Variants in KDM1A observed in about 807,000 individuals in gnomAD.
KDM1A encodes the protein lysine demethylase 1A.
Under a neutral mutation model 109.4 loss-of-function variants are expected in KDM1A, and 49 were observed. That is an observed-to-expected ratio of 0.45 (90% CI 0.36 to 0.57). The LOEUF is 0.57. KDM1A is among the 20% of genes least tolerant of loss of function. KDM1A has a pLI of 0.00. For synonymous variants in KDM1A, 380 were observed against 415.4 expected (o/e 0.91, Z 1.04); for missense variants, 668 against 1,116.6 (o/e 0.60, Z 5.73).
intron 9 of KDM1A, among the ~76,000 whole-genome samples, chr1:23,063,602 A>G (rs866792768): frequency 1.3e-5 from 2 of 152,162 alleles, no homozygotes; most frequent in South Asian, 2.1e-4. Context: ...TTATTTATAA[A>G]TGTAAAAATC....
At chr1:23,044,304 CT>C (rs766854482) in intron 2 of KDM1A, 122 bp from the exon 3 acceptor site, 1 of 798,986 alleles carries the variant, frequency 1.3e-6, no homozygotes, top group Non-Finnish European at 2.1e-6. Context: ...AGAAGGAGCT[CT>C]CTGAATATGG....
In KDM1A at chr1:23,081,434, C is replaced by T; in HGVS notation, c.2171-12C>T. ...TAGGAAAACCCTAGAATTATCCTTT[C>T]TGTTTCCCCAGCTCCAATACTGTTG... On this transcript the variant is annotated splice_polypyrimidine_tract_variant and intron_variant, in intron 18 of 20. Transcript: ENST00000400181. 1 of 1,613,902 alleles carries T rather than the reference C, an allele frequency of 6.2e-7. No homozygotes were observed. The highest frequency in any genetic ancestry group is 8.5e-7 in the Non-Finnish European group (1 of 1,179,854).
intron 12 of KDM1A, among the ~76,000 whole-genome samples, chr1:23,069,812 A>G (rs1450523190): frequency 2.6e-5 from 4 of 152,250 alleles, no homozygotes; most frequent in Admixed American, 6.5e-5. Context: ...ACCGCCTTCC[A>G]GAGCCCCAGG....
At chr1:23,063,902 T>A (rs1416767535) in intron 9 of KDM1A, among the ~76,000 whole-genome samples, 1 of 152,112 alleles carries the variant, frequency 6.6e-6, no homozygotes, top group Admixed American at 6.5e-5. Flanking sequence ...TTATTTTTGT[T>A]TTTGGAGACA....
chr1:23,070,939 A>G (rs762534485), intron 12 of KDM1A, among the ~76,000 whole-genome samples: 29 of 152,174 alleles, frequency 1.9e-4, no homozygotes, highest in Non-Finnish European at 1.5e-5. Context: ...GTTTGTTTAA[A>G]TTAATGGGAC....
intron 15 of KDM1A, 112 bp from the exon 16 acceptor site, chr1:23,077,116 A>C: frequency 9.7e-7 from 1 of 1,031,660 alleles, no homozygotes; most frequent in Non-Finnish European, 1.4e-6. Context: ...GTTTGCCTTA[A>C]AATATTGACT....
rs143104658 is a variant in KDM1A, at chr1:23,047,359, A to G, written c.577+2873A>G. ...AGACCATTTTTCATTTTTAAAAATGATATCAGAGTATTGAGAATAGCTAGT... is the reference window on the plus strand; with the variant it reads ...AGACCATTTTTCATTTTTAAAAATGGTATCAGAGTATTGAGAATAGCTAGT... On this transcript the variant is annotated intron_variant, in intron 3 of 20. Coordinates refer to ENST00000400181, the MANE Select transcript of KDM1A (RefSeq NM_001009999.3). Among the ~76,000 whole-genome samples the G allele has an allele frequency of 4.2e-3, 639 of 152,338 alleles. 4 individuals are homozygous for G. Among genetic ancestry groups the G allele is most frequent in the African/African-American group, 0.014 (590 of 41,578 alleles).
At chr1:23,057,292 C>G (rs1453139068) in intron 7 of KDM1A, among the ~76,000 whole-genome samples, 192 bp from the exon 8 acceptor site, 2 of 152,152 alleles carry the variant, frequency 1.3e-5, no homozygotes, top group Non-Finnish European at 2.9e-5. Context: ...CATTTGTTGC[C>G]TGCTTCTCCT....
At chr1:23,074,034 T>C (rs547093162) in intron 15 of KDM1A, among the ~76,000 whole-genome samples, 1 of 152,380 alleles carries the variant, frequency 6.6e-6, no homozygotes, top group South Asian at 2.1e-4. Context: ...TTTTTAACTT[T>C]ATAAATCAAC....
intron 9 of KDM1A, among the ~76,000 whole-genome samples, chr1:23,060,064 T>C (rs1642956121): frequency 6.6e-6 from 1 of 152,216 alleles, no homozygotes; most frequent in Admixed American, 6.5e-5. Flanking sequence ...AATGCTTTGG[T>C]TTCCATCCCC....
At chr1:23,056,752 G>T (rs1365059516) in intron 7 of KDM1A, among the ~76,000 whole-genome samples, 1 of 150,380 alleles carries the variant, frequency 6.6e-6, no homozygotes, top group East Asian at 1.9e-4. Context: ...GGACCATTTT[G>T]ATTCCTACCC....
chr1:23,071,592 C>A (rs182564334), intron 13 of KDM1A, among the ~76,000 whole-genome samples: 1 of 152,276 alleles, frequency 6.6e-6, no homozygotes, highest in East Asian at 1.9e-4. Flanking sequence ...TATCTTAAAT[C>A]TCAATTTAGC....
intron 2 of KDM1A, among the ~76,000 whole-genome samples, chr1:23,040,864 A>G (rs1022555867): frequency 1.2e-4 from 18 of 152,220 alleles, no homozygotes; most frequent in African/African-American, 4.3e-4. Flanking sequence ...GGTTTGGGAT[A>G]AAAACAAAAG....
chr1:23,066,401 C>T (rs1341336663), intron 10 of KDM1A, among the ~76,000 whole-genome samples: 2 of 152,236 alleles, frequency 1.3e-5, no homozygotes, highest in African/African-American at 2.4e-5. Flanking sequence ...AAATATTTCT[C>T]TACCACACAC....
chr1:23,026,051 A>G (rs528959341), intron 1 of KDM1A, among the ~76,000 whole-genome samples: 1 of 152,300 alleles, frequency 6.6e-6, no homozygotes, highest in East Asian at 1.9e-4. Flanking sequence ...AGATCACGCC[A>G]CTGCTTTCCA....
intron 15 of KDM1A, among the ~76,000 whole-genome samples, chr1:23,076,107 A>C (rs1325925049): frequency 6.6e-6 from 1 of 152,186 alleles, no homozygotes; most frequent in Non-Finnish European, 1.5e-5. Context: ...TCATTGATTT[A>C]TCATTTGATG....
chr1:23,028,214 C>T (rs995907206), intron 1 of KDM1A, among the ~76,000 whole-genome samples: 3 of 152,264 alleles, frequency 2.0e-5, no homozygotes, highest in East Asian at 1.9e-4. Context: ...CACAGTGGTG[C>T]GATCACAGAT....
At chr1:23,059,256 T>C in intron 9 of KDM1A, 89 bp downstream of exon 9, 4 of 852,306 alleles carry the variant, frequency 4.7e-6, no homozygotes, top group South Asian at 4.1e-5. Flanking sequence ...CATATACATA[T>C]ATACACATAT....
chr1:23,035,372 T>C (rs1325826075), intron 2 of KDM1A, among the ~76,000 whole-genome samples: 4 of 152,198 alleles, frequency 2.6e-5, no homozygotes, highest in Non-Finnish European at 5.9e-5. Flanking sequence ...CTAGCTAATT[T>C]TGTATTTTTA....
Sources: allele counts gnomAD v4.1 joint callset (sites outside exome capture counted in the v4.1 genomes callset), GRCh38; gene constraint gnomAD v4.1.1; transcripts MANE v1.5; gene names NCBI Gene and HGNC (gene_info 2026-07-23, HGNC 2026-07-21).